Variants in CNTN4 observed in about 807,000 individuals in gnomAD.
The protein encoded by CNTN4 is contactin 4, also known as contactin-4.
A neutral mutation model predicts 122.5 loss-of-function variants in CNTN4; 77 were observed. The observed-to-expected ratio is 0.63, with a 90% CI of 0.52 to 0.76. The LOEUF (loss-of-function observed/expected upper bound fraction) is 0.76. Ranked by LOEUF, CNTN4 falls within the 30% of genes least tolerant of loss-of-function variation. The pLI is 0.00. For missense variants in CNTN4, 1,256 were observed against 1,259.1 expected (o/e 1.00, Z 0.04); for synonymous variants, 512 against 447.0 (o/e 1.15, Z -1.83).
chr3:2,756,642 A>G (rs2090350780), intron 6 of CNTN4, among the ~76,000 whole-genome samples: 1 of 152,190 alleles, frequency 6.6e-6, no homozygotes, highest in Non-Finnish European at 1.5e-5. Context: ...CATCTTCCAA[A>G]ATCACCCAGA....
At chr3:2,964,011 T>C (rs543122784) in intron 13 of CNTN4, among the ~76,000 whole-genome samples, 2 of 152,240 alleles carry the variant, frequency 1.3e-5, no homozygotes, top group Admixed American at 1.3e-4. Context: ...TTGTTCACTA[T>C]TGCATCTTTA....
At chr3:2,910,460 C>G (rs1314652410) in intron 12 of CNTN4, among the ~76,000 whole-genome samples, 2 of 152,134 alleles carry the variant, frequency 1.3e-5, no homozygotes, top group Non-Finnish European at 2.9e-5. Context: ...TGTAGAACTT[C>G]TCTCTTAAAA....
At chr3:2,554,388 C>CAAAG (rs1207602587) in intron 3 of CNTN4, among the ~76,000 whole-genome samples, 1 of 152,040 alleles carries the variant, frequency 6.6e-6, no homozygotes, top group Non-Finnish European at 1.5e-5. Flanking sequence ...TTTCACTTTA[C>CAAAG]AAAGTACCAC....
At chr3:2,376,881 G>C (rs920723707) in intron 3 of CNTN4, among the ~76,000 whole-genome samples, 1 of 151,918 alleles carries the variant, frequency 6.6e-6, no homozygotes, top group Non-Finnish European at 1.5e-5. Context: ...AGCTCAGCAG[G>C]GCGCGGTGGC....
chr3:2,162,157 G>A (rs905473839), intron 2 of CNTN4, among the ~76,000 whole-genome samples: 1 of 151,970 alleles, frequency 6.6e-6, no homozygotes, highest in African/African-American at 2.4e-5. Context: ...TTTCCTATAC[G>A]CATTATATTC....
intron 2 of CNTN4, among the ~76,000 whole-genome samples, chr3:2,201,758 A>G (rs2038105917): frequency 6.6e-6 from 1 of 152,082 alleles, no homozygotes; most frequent in Non-Finnish European, 1.5e-5. Context: ...ATTTTTTTAA[A>G]TTTTTATTTT....
chr3:2,698,878 C>A (rs2086195866), intron 4 of CNTN4, among the ~76,000 whole-genome samples: 1 of 152,214 alleles, frequency 6.6e-6, no homozygotes, highest in East Asian at 1.9e-4. Context: ...CAAAAATTAG[C>A]CAGGTGTGGT....
intron 5 of CNTN4, among the ~76,000 whole-genome samples, chr3:2,742,944 T>C (rs142136219): frequency 2.9e-3 from 447 of 152,344 alleles, no homozygotes; most frequent in Admixed American, 4.9e-3. Flanking sequence ...CTCAACTGCA[T>C]TTCGGAGAAA....
chr3:2,930,331 C>G (rs567549328), intron 13 of CNTN4, among the ~76,000 whole-genome samples: 1 of 152,224 alleles, frequency 6.6e-6, no homozygotes, highest in South Asian at 2.1e-4. Context: ...GAAAAAATGA[C>G]CTTCAGCGAG....
chr3:2,997,343 G>C (rs1182569018), intron 14 of CNTN4, among the ~76,000 whole-genome samples: 2 of 152,216 alleles, frequency 1.3e-5, no homozygotes, highest in Non-Finnish European at 2.9e-5. Flanking sequence ...TAAATCATCT[G>C]TCTCCTTGTA....
At chr3:2,859,674 T>C (rs1430048689) in intron 7 of CNTN4, among the ~76,000 whole-genome samples, 2 of 152,216 alleles carry the variant, frequency 1.3e-5, no homozygotes, top group Non-Finnish European at 1.5e-5. Flanking sequence ...CAGAATTATA[T>C]GCTGAAGCCA....
chr3:2,571,020 T>G (rs1559250216), intron 3 of CNTN4, among the ~76,000 whole-genome samples: 1 of 151,958 alleles, frequency 6.6e-6, no homozygotes, highest in South Asian at 2.1e-4. Flanking sequence ...GGTCCACCAG[T>G]GTTAAGCCTA....
At chr3:2,203,203 G>C (rs1256008033) in intron 2 of CNTN4, among the ~76,000 whole-genome samples, 1 of 152,026 alleles carries the variant, frequency 6.6e-6, no homozygotes, top group African/African-American at 2.4e-5. Flanking sequence ...CTTTTACACA[G>C]TATTTAACAT....
rs1366113922 is a variant in CNTN4, at chr3:2,840,578, A to G, written c.454+20997A>G. Among the ~76,000 whole-genome samples the G allele has an allele frequency of 3.1e-4, 23 of 75,156 alleles. 5 individuals carry two copies. Among genetic ancestry groups the G allele is most frequent in the Admixed American group, 6.7e-4 (4 of 5,958 alleles). The allele number at this position is 75,156 out of a possible 152,430, so 49.3% of individuals were successfully genotyped here. A position where few individuals can be genotyped will look rare whatever the true frequency, so the allele number is the denominator to read the frequency against. On this transcript the variant is annotated intron_variant, in intron 7 of 24. Transcript: ENST00000418658. ...GCCGGGCGCGGTGATGGGCGCCTGT[A>G]GTCCCAGCTACTCGGGAGGCTGAGG...
intron 6 of CNTN4, among the ~76,000 whole-genome samples, chr3:2,758,356 AGGTTATATTTC>A (rs2090433467): frequency 6.6e-6 from 1 of 152,172 alleles, no homozygotes; most frequent in Non-Finnish European, 1.5e-5. Flanking sequence ...CCAGCCTATG[AGGTTATATTTC>A]CTCTTGAATA....
At chr3:2,322,875 A>G (rs1002937068) in intron 2 of CNTN4, among the ~76,000 whole-genome samples, 2 of 152,154 alleles carry the variant, frequency 1.3e-5, no homozygotes, top group African/African-American at 4.8e-5. Context: ...CTCTTTTCCT[A>G]TTTAACATTC....
At chr3:2,745,950 C>A (rs939560354) in intron 6 of CNTN4, among the ~76,000 whole-genome samples, 4 of 152,042 alleles carry the variant, frequency 2.6e-5, no homozygotes, top group Non-Finnish European at 4.4e-5. Context: ...ATGATGCTTT[C>A]TTTATATACA....
At chr3:2,764,057 C>A (rs919051198) in intron 6 of CNTN4, among the ~76,000 whole-genome samples, 33 of 152,044 alleles carry the variant, frequency 2.2e-4, no homozygotes, top group Admixed American at 5.2e-4. Flanking sequence ...AAGAGCAAGA[C>A]ATTTCAAGTG....
intron 2 of CNTN4, among the ~76,000 whole-genome samples, chr3:2,224,561 A>G (rs2039193664): frequency 1.3e-5 from 2 of 152,166 alleles, no homozygotes; most frequent in South Asian, 4.1e-4. Context: ...TGCCATGAGT[A>G]CAACTTAGAT....
Sources: allele counts gnomAD v4.1 joint callset (sites outside exome capture counted in the v4.1 genomes callset), GRCh38; gene constraint gnomAD v4.1.1; transcripts MANE v1.5; gene names NCBI Gene and HGNC (gene_info 2026-07-23, HGNC 2026-07-21).